NLGN4X: variants seen among roughly 807,000 people sequenced by gnomAD.
NLGN4X encodes neuroligin 4 X-linked, also known as neuroligin-4, X-linked.
Under a neutral mutation model 40.3 loss-of-function variants are expected in NLGN4X, and 3 were observed. That is an observed-to-expected ratio of 0.07 (90% CI 0.03 to 0.19). The LOEUF is 0.19. NLGN4X is among the 10% of genes least tolerant of loss of function. NLGN4X has a pLI of 1.00. For synonymous variants in NLGN4X, 270 were observed against 306.8 expected (o/e 0.88, Z 1.25); for missense variants, 382 against 708.3 (o/e 0.54, Z 5.23).
intron 3 of NLGN4X, among the ~76,000 whole-genome samples, chrX:5,989,047 G>A (rs753117505): frequency 9.5e-6 from 1 of 105,427 alleles, no homozygotes; most frequent in East Asian, 3.0e-4. Flanking sequence ...CAGCTTGGGC[G>A]ACAGAGCGAG....
chrX:6,053,236 C>T (rs28503790), intron 2 of NLGN4X, among the ~76,000 whole-genome samples: 6 of 112,188 alleles, frequency 5.3e-5, no homozygotes, highest in African/African-American at 1.9e-4. Flanking sequence ...GAAGATGCAA[C>T]AATTATCTGC....
chrX:6,218,785 A>G lies in NLGN4X; in HGVS notation c.-306+9756T>C, dbSNP rs138054703. 5.0e-3 allele frequency among the ~76,000 whole-genome samples: 560 copies of G among 111,610 alleles called. 5 individuals are homozygous for G. The highest frequency in any genetic ancestry group is 0.017 in the African/African-American group (525 of 30,723). ...CTCTGTGTCAACAGAAGTATTCTCAACACTCTTGTGGTTAATTTGGTTAAA... is the reference window on the plus strand; with the variant it reads ...CTCTGTGTCAACAGAAGTATTCTCAGCACTCTTGTGGTTAATTTGGTTAAA... On this transcript the variant is annotated intron_variant, in intron 1 of 5. Coordinates refer to ENST00000381095, the MANE Select transcript of NLGN4X (RefSeq NM_181332.3).
intron 2 of NLGN4X, among the ~76,000 whole-genome samples, chrX:6,133,696 C>T (rs1203613410): frequency 9.0e-6 from 1 of 111,219 alleles, no homozygotes; most frequent in Admixed American, 9.6e-5. Flanking sequence ...TGGATGGAGC[C>T]CAGGAATCTG....
intron 3 of NLGN4X, among the ~76,000 whole-genome samples, chrX:5,980,506 A>G (rs2035354405): frequency 9.4e-6 from 1 of 106,135 alleles, no homozygotes; most frequent in Non-Finnish European, 1.9e-5. Context: ...GAAGTTTTAC[A>G]ATTTTAAGCT....
intron 1 of NLGN4X, 118 bp from the exon 2 acceptor site, chrX:6,151,889 T>C (rs1037378559): frequency 9.7e-6 from 2 of 205,549 alleles, no homozygotes; most frequent in East Asian, 2.3e-4. Context: ...TTCATTTGTA[T>C]AGAAATGTGT....
chrX:6,118,106 C>T (rs146388927), intron 2 of NLGN4X, among the ~76,000 whole-genome samples: 11,659 of 110,014 alleles, frequency 0.11, 603 homozygotes, highest in African/African-American at 0.19. Flanking sequence ...CACACATGCA[C>T]GCTGCTTCTT....
intron 2 of NLGN4X, among the ~76,000 whole-genome samples, chrX:6,054,436 G>A (rs773269368): frequency 6.3e-5 from 7 of 110,285 alleles, no homozygotes; most frequent in African/African-American, 2.3e-4. Flanking sequence ...GCAGCAGAGC[G>A]AGACCCTGTT....
At chrX:6,097,155 GTCTC>G (rs889369463) in intron 2 of NLGN4X, among the ~76,000 whole-genome samples, 18 of 109,563 alleles carry the variant, frequency 1.6e-4, no homozygotes, top group Non-Finnish European at 7.6e-5. Context: ...ATTATGAAAT[GTCTC>G]TCTTTTATTT....
chrX:6,077,296 C>CTGTGTG (rs913188097), intron 2 of NLGN4X, among the ~76,000 whole-genome samples: 1 of 88,912 alleles, frequency 1.1e-5, no homozygotes, highest in East Asian at 3.3e-4. Flanking sequence ...GTGTGTGTGT[C>CTGTGTG]TGTGTGTGTG....
chrX:5,903,545 T>C lies in NLGN4X; in HGVS notation c.1133A>G (p.Lys378Arg), dbSNP rs144093574. 2.9e-4 allele frequency: 351 copies of C among 1,208,306 alleles called. No individual in the cohort carries two copies. The highest frequency in any genetic ancestry group is 3.4e-4 in the Non-Finnish European group (307 of 894,520). Residue 378 changes from lysine (K) to arginine (R), a missense_variant, in exon 5 of 6, where the codon AAG (lysine) becomes AGG (arginine). Physicochemically the swap from Lys to Arg is conservative, Grantham distance 26. This residue lies in a region of NLGN4X where 149 missense variants were observed against 375.8 expected (regional missense o/e 0.40). Coordinates refer to ENST00000381095, the MANE Select transcript of NLGN4X (RefSeq NM_181332.3). ...GTTATCCACGATGCCGTCCACGAAC[T>C]TCAGGCCTTCCCCTTGGTTGACGCC... ...MLGVNQGEGL[K>R]FVDGIVDNED...
chrX:6,125,216 C>A (rs1257828140), intron 2 of NLGN4X, among the ~76,000 whole-genome samples: 1 of 111,684 alleles, frequency 9.0e-6, no homozygotes, highest in African/African-American at 3.3e-5. Context: ...GCCATGGAGG[C>A]AAGTCAAGAA....
chrX:5,966,729 C>T, intron 3 of NLGN4X, among the ~76,000 whole-genome samples: 1 of 110,862 alleles, frequency 9.0e-6, no homozygotes, highest in East Asian at 2.9e-4. Flanking sequence ...AAAATGTTTA[C>T]TGTAGTTTCA....
At chrX:6,115,255 G>A (rs778244120) in intron 2 of NLGN4X, among the ~76,000 whole-genome samples, 16 of 111,511 alleles carry the variant, frequency 1.4e-4, no homozygotes, top group Admixed American at 4.8e-4. Context: ...TTTATTCTTA[G>A]GGACTGGAAA....
intron 3 of NLGN4X, among the ~76,000 whole-genome samples, chrX:5,994,966 T>C (rs775729865): frequency 3.6e-5 from 4 of 112,664 alleles, no homozygotes; most frequent in Non-Finnish European, 7.5e-5. Flanking sequence ...TATACCTTCT[T>C]TGATGTTAGT....
At chrX:6,054,012 C>T (rs2037556870) in intron 2 of NLGN4X, among the ~76,000 whole-genome samples, 1 of 112,092 alleles carries the variant, frequency 8.9e-6, no homozygotes, top group South Asian at 3.7e-4. Context: ...ATCACGAAAG[C>T]ACAGCAGCCA....
intron 2 of NLGN4X, among the ~76,000 whole-genome samples, chrX:6,117,086 C>A (rs1291463199): frequency 9.0e-6 from 1 of 111,202 alleles, no homozygotes; most frequent in Non-Finnish European, 1.9e-5. Context: ...TGGGAATTGG[C>A]CAGTTTTGTG....
chrX:6,090,215 A>T (rs2038603580), intron 2 of NLGN4X, among the ~76,000 whole-genome samples: 1 of 111,050 alleles, frequency 9.0e-6, no homozygotes, highest in Non-Finnish European at 1.9e-5. Flanking sequence ...GTTTAACCTT[A>T]CTCTATTGTT....
At chrX:6,009,130 C>T (rs764053678) in intron 3 of NLGN4X, among the ~76,000 whole-genome samples, 69 of 111,712 alleles carry the variant, frequency 6.2e-4, no homozygotes, top group Non-Finnish European at 7.5e-4. Context: ...ATCCATTCAT[C>T]CATCAATGGA....
intron 1 of NLGN4X, among the ~76,000 whole-genome samples, chrX:6,159,064 A>G: frequency 8.9e-6 from 1 of 112,727 alleles, no homozygotes; most frequent in Non-Finnish European, 1.9e-5. Flanking sequence ...AATAAAATAC[A>G]GATATATGGA....
Sources: gnomAD v4.1 joint callset for allele counts (sites outside exome capture counted in the v4.1 genomes callset) on GRCh38, gnomAD v4.1.1 for gene constraint, gnomAD v4.1.1 regional missense constraint, MANE v1.5 for transcripts, NCBI Gene and HGNC (gene_info 2026-07-23, HGNC 2026-07-21) for gene names.